Variants in KCNT2 observed in about 807,000 individuals in gnomAD.
The protein encoded by KCNT2 is potassium sodium-activated channel subfamily T member 2, also known as potassium channel subfamily T member 2.
In KCNT2, 67 loss-of-function variants were observed where a neutral mutation model predicts 153.8. That is an observed-to-expected ratio of 0.44 (90% CI 0.36 to 0.53). KCNT2 has a LOEUF of 0.53. Among genes scored for constraint, KCNT2 ranks in the 20% least tolerant of loss-of-function variants. The probability of loss-of-function intolerance (pLI) is 0.00; values close to 1 mark genes in which losing one functional copy is unlikely to be tolerated. For missense variants in KCNT2, 975 were observed against 1,354.8 expected (o/e 0.72, Z 4.40); for synonymous variants, 500 against 458.8 (o/e 1.09, Z -1.15).
At chr1:196,428,025 G>T in intron 10 of KCNT2, 80 bp downstream of exon 10, 1 of 1,053,988 alleles carries the variant, frequency 9.5e-7, no homozygotes. Flanking sequence ...CACAAAGCAG[G>T]CTGCACCATC....
chr1:196,460,974 A>T (rs1464578169), intron 8 of KCNT2, among the ~76,000 whole-genome samples: 1 of 151,768 alleles, frequency 6.6e-6, no homozygotes, highest in African/African-American at 2.4e-5. Flanking sequence ...GTCAATTGCC[A>T]GATCTTCAGA....
At chr1:196,445,257 T>G (rs992548631) in intron 8 of KCNT2, among the ~76,000 whole-genome samples, 3 of 151,364 alleles carry the variant, frequency 2.0e-5, no homozygotes, top group African/African-American at 7.2e-5. Flanking sequence ...CTTGCACATG[T>G]GAAATATGAA....
At chr1:196,357,113 T>C (rs1667238095) in intron 14 of KCNT2, among the ~76,000 whole-genome samples, 1 of 151,946 alleles carries the variant, frequency 6.6e-6, no homozygotes, top group Non-Finnish European at 1.5e-5. Context: ...ATTTGTTAAA[T>C]CTTGAACATC....
chr1:196,404,160 T>TTGATTA, intron 12 of KCNT2: 2 of 980,212 alleles, frequency 2.0e-6, no homozygotes, highest in Non-Finnish European at 2.4e-6. Flanking sequence ...TCAAATCTTG[T>TTGATTA]TGATTATGCC....
chr1:196,455,560 GT>G (rs1676591312), intron 8 of KCNT2, among the ~76,000 whole-genome samples: 1 of 151,562 alleles, frequency 6.6e-6, no homozygotes, highest in African/African-American at 2.4e-5. Flanking sequence ...TCTATCTTTT[GT>G]TTTTCTCTCT....
intron 21 of KCNT2, among the ~76,000 whole-genome samples, chr1:196,307,238 G>A (rs1474990917): frequency 7.9e-5 from 12 of 151,886 alleles, no homozygotes; most frequent in African/African-American, 1.2e-4. Context: ...TAGTTAAATC[G>A]GTTATTACTA....
At chr1:196,553,901 A>C (rs1658284715) in intron 1 of KCNT2, among the ~76,000 whole-genome samples, 1 of 151,328 alleles carries the variant, frequency 6.6e-6, no homozygotes, top group African/African-American at 2.4e-5. Context: ...GAAGAAGTTA[A>C]GAGGAAATTG....
intron 1 of KCNT2, among the ~76,000 whole-genome samples, chr1:196,493,590 T>C (rs1461220329): frequency 6.6e-6 from 1 of 152,150 alleles, no homozygotes; most frequent in Non-Finnish European, 1.5e-5. Flanking sequence ...CTGAGATACA[T>C]GTGCAGAACG....
At chr1:196,543,946 G>A (rs1558059888) in intron 1 of KCNT2, among the ~76,000 whole-genome samples, 1 of 28,532 alleles carries the variant, frequency 3.5e-5, no homozygotes, top group Non-Finnish European at 6.9e-5. Flanking sequence ...GCACATAAAT[G>A]TTCATAGCAG....
intron 8 of KCNT2, among the ~76,000 whole-genome samples, chr1:196,463,136 G>T (rs557079097): frequency 6.6e-6 from 1 of 151,834 alleles, no homozygotes; most frequent in South Asian, 2.1e-4. Context: ...AACAGTCTTA[G>T]ACAGACTACC....
At chr1:196,546,487 C>T (rs1657121572) in intron 1 of KCNT2, among the ~76,000 whole-genome samples, 1 of 152,058 alleles carries the variant, frequency 6.6e-6, no homozygotes. Context: ...TCCCATAACA[C>T]TGAGTGCTTT....
chr1:196,449,383 AACAG>A (rs1253828526), intron 8 of KCNT2, among the ~76,000 whole-genome samples: 2 of 151,712 alleles, frequency 1.3e-5, no homozygotes, highest in Non-Finnish European at 3.0e-5. Flanking sequence ...TCAATGGGCT[AACAG>A]ACAGGCTCTG....
chr1:196,304,543 T>C (rs1224993045), intron 22 of KCNT2, among the ~76,000 whole-genome samples: 1 of 152,078 alleles, frequency 6.6e-6, no homozygotes, highest in African/African-American at 2.4e-5. Context: ...TGTATAAGAC[T>C]GGGTCTTTTT....
At chr1:196,370,581 G>A (rs1196322526) in intron 14 of KCNT2, among the ~76,000 whole-genome samples, 1 of 152,012 alleles carries the variant, frequency 6.6e-6, no homozygotes, top group Non-Finnish European at 1.5e-5. Flanking sequence ...TACTGCTGAT[G>A]ATGTAAAGAA....
chr1:196,495,253 A>C (rs1397626656), intron 1 of KCNT2, among the ~76,000 whole-genome samples: 1 of 151,134 alleles, frequency 6.6e-6, no homozygotes, highest in Non-Finnish European at 1.5e-5. Flanking sequence ...GTTACAGTAT[A>C]AAGTAGAGCT....
rs1198065291 is a variant in KCNT2, at chr1:196,599,195, T to C, written c.95+9020A>G. Among the ~76,000 whole-genome samples, 4 of 152,368 alleles carry C rather than the reference T, an allele frequency of 2.6e-5. 1 individual carries two copies. Among genetic ancestry groups the C allele is most frequent in the African/African-American group, 9.6e-5 (4 of 41,592 alleles). Reference sequence around the variant, plus strand: ...ACTTGAGACAGCAGGCTGTCCATTATTAAACTAGACATCTGGACCCTGTTG... The same window carrying C: ...ACTTGAGACAGCAGGCTGTCCATTACTAAACTAGACATCTGGACCCTGTTG... On this transcript the variant is annotated intron_variant, in intron 1 of 27. Coordinates refer to ENST00000294725, the MANE Select transcript of KCNT2 (RefSeq NM_198503.5).
intron 1 of KCNT2, among the ~76,000 whole-genome samples, chr1:196,554,250 T>G (rs1658339251): frequency 6.6e-6 from 1 of 150,482 alleles, no homozygotes; most frequent in Non-Finnish European, 1.5e-5. Flanking sequence ...TAAACAAAAT[T>G]GACAAGTGCC....
rs1453655581 is a variant in KCNT2, at chr1:196,428,350, G to A, written c.820-81C>T. On this transcript the variant is annotated intron_variant, in intron 9 of 27. Coordinates refer to ENST00000294725, the MANE Select transcript of KCNT2 (RefSeq NM_198503.5). ...AATGCAATACATCTATTGTTTATTA[G>A]GTATTTTCAATTTCCTAGATGGAAC... 4 of 993,180 alleles carry A rather than the reference G, an allele frequency of 4.0e-6. No individual in the cohort carries two copies. In the East Asian group the frequency reaches 7.3e-5, roughly 18 times the overall value. 61.5% of individuals were successfully genotyped at this position (993,180 alleles called of 1,614,324 possible).
At chr1:196,452,172 G>C (rs1676271232) in intron 8 of KCNT2, among the ~76,000 whole-genome samples, 1 of 151,866 alleles carries the variant, frequency 6.6e-6, no homozygotes, top group African/African-American at 2.4e-5. Flanking sequence ...CCTTCTATCT[G>C]CAAGGTTTTT....
Sources: allele counts gnomAD v4.1 joint callset (sites outside exome capture counted in the v4.1 genomes callset), GRCh38; gene constraint gnomAD v4.1.1; transcripts MANE v1.5; gene names NCBI Gene and HGNC (gene_info 2026-07-23, HGNC 2026-07-21).